Variants in NDST3 observed in about 807,000 individuals in gnomAD.
The protein encoded by NDST3 is N-deacetylase and N-sulfotransferase 3, also known as bifunctional heparan sulfate N-deacetylase/N-sulfotransferase 3.
Under a neutral mutation model 96.1 loss-of-function variants are expected in NDST3, and 58 were observed. That is an observed-to-expected ratio of 0.60 (90% CI 0.49 to 0.75). The LOEUF is 0.75. Ranked by LOEUF, NDST3 falls within the 30% of genes least tolerant of loss-of-function variation. The pLI is 0.00. For synonymous variants in NDST3, 333 were observed against 359.7 expected, an observed-to-expected ratio of 0.93 and a Z score of 0.84; for missense variants, 788 against 1,034.2, an observed-to-expected ratio of 0.76 and a Z score of 3.27.
rs1734823143 is a variant in NDST3 at position 118,157,916 on chromosome 4, T to C, written c.1539+14232T>C. On this transcript the variant is annotated intron_variant, in intron 6 of 13. Transcript: ENST00000296499. ...AGTACAGTATTCTAACTGCATACGT[T>C]TAGTGAAATATAGGACAAAAGTCTG... Among the ~76,000 whole-genome samples the C allele has an allele frequency of 2.0e-5, 3 of 152,268 alleles. No individual in the cohort carries two copies. In the South Asian group the frequency reaches 6.2e-4, roughly 32 times the overall value.
At chr4:118,204,196 A>G (rs1738286116) in intron 6 of NDST3, among the ~76,000 whole-genome samples, 1 of 152,128 alleles carries the variant, frequency 6.6e-6, no homozygotes, top group Non-Finnish European at 1.5e-5. Context: ...CAATGGACAC[A>G]ATGGGCCCTG....
At chr4:118,100,288 G>A (rs1235790491) in intron 2 of NDST3, among the ~76,000 whole-genome samples, 2 of 151,818 alleles carry the variant, frequency 1.3e-5, no homozygotes, top group Non-Finnish European at 2.9e-5. Flanking sequence ...AGGCGCTCCT[G>A]GCTTCAGGCT....
At chr4:118,185,617 T>C (rs1385356660) in intron 6 of NDST3, among the ~76,000 whole-genome samples, 1 of 152,090 alleles carries the variant, frequency 6.6e-6, no homozygotes, top group Non-Finnish European at 1.5e-5. Context: ...TTCAGAGAGA[T>C]TCCAGTGCAG....
chr4:118,108,765 C>T (rs1312343341), intron 3 of NDST3, among the ~76,000 whole-genome samples: 2 of 151,954 alleles, frequency 1.3e-5, no homozygotes, highest in African/African-American at 2.4e-5. Flanking sequence ...TTTCACCTAC[C>T]AATTTGAAAA....
At chr4:118,162,257 G>A (rs1469310899) in intron 6 of NDST3, among the ~76,000 whole-genome samples, 1 of 152,030 alleles carries the variant, frequency 6.6e-6, no homozygotes, top group Non-Finnish European at 1.5e-5. Context: ...CTACTTTAAA[G>A]TTCATATGGA....
rs1013362919 is a variant in NDST3 at position 118,180,752 on chromosome 4, T to C, written c.1539+37068T>C. ...GGCTGGTGGGTGACCTAAGGTCAAG[T>C]AGCCCATTTCTTGACCAGCTTATAC... On this transcript the variant is annotated intron_variant, in intron 6 of 13. Transcript: ENST00000296499. 6.6e-5 allele frequency among the ~76,000 whole-genome samples: 10 copies of C among 152,304 alleles called. No homozygotes were observed. The East Asian group carries it at 1.9e-3, about 29-fold the overall frequency.
intron 2 of NDST3, among the ~76,000 whole-genome samples, chr4:118,073,308 T>C (rs1727236579): frequency 6.6e-6 from 1 of 152,074 alleles, no homozygotes; most frequent in African/African-American, 2.4e-5. Flanking sequence ...TACCAGTTCT[T>C]CTTTCTATGT....
chr4:118,089,729 C>T (rs924559306), intron 2 of NDST3, among the ~76,000 whole-genome samples: 1 of 151,906 alleles, frequency 6.6e-6, no homozygotes, highest in African/African-American at 2.4e-5. Context: ...CCAACATCTT[C>T]CCAAATGAAA....
At chr4:118,214,345 T>C (rs1293280947) in intron 6 of NDST3, among the ~76,000 whole-genome samples, 2 of 152,200 alleles carry the variant, frequency 1.3e-5, no homozygotes, top group African/African-American at 4.8e-5. Context: ...CTAATCCTAA[T>C]TGAGATGTAC....
intron 6 of NDST3, among the ~76,000 whole-genome samples, chr4:118,210,795 CG>C (rs1738739283): frequency 2.9e-5 from 4 of 138,678 alleles, no homozygotes; most frequent in East Asian, 2.1e-4. Flanking sequence ...AAAAAAAAAG[CG>C]GGGGGACCCT....
At chr4:118,113,944 A>C (rs969696152) in intron 3 of NDST3, among the ~76,000 whole-genome samples, 1 of 152,134 alleles carries the variant, frequency 6.6e-6, no homozygotes, top group Admixed American at 6.6e-5. Context: ...GGGAAGTACA[A>C]AAAGGACTCT....
At chr4:118,213,794 TTTC>T (rs1219429249) in intron 6 of NDST3, among the ~76,000 whole-genome samples, 3 of 150,804 alleles carry the variant, frequency 2.0e-5, no homozygotes, top group Non-Finnish European at 4.4e-5. Flanking sequence ...TCAGAATTTT[TTTC>T]TTTTTTGACA....
chr4:118,194,524 G>T (rs544005137), intron 6 of NDST3: 63 of 722,138 alleles, frequency 8.7e-5, no homozygotes, highest in Middle Eastern at 3.7e-4. Context: ...GGTCAAAGGA[G>T]AATTTGTCCT....
intron 6 of NDST3, among the ~76,000 whole-genome samples, chr4:118,201,357 C>T (rs1048015247): frequency 1.3e-5 from 2 of 152,154 alleles, no homozygotes; most frequent in African/African-American, 2.4e-5. Context: ...TGAGAAATCT[C>T]CAGATTGCTT....
intron 12 of NDST3, among the ~76,000 whole-genome samples, chr4:118,252,945 T>C (rs1400404534): frequency 6.6e-6 from 1 of 152,106 alleles, no homozygotes; most frequent in East Asian, 1.9e-4. Flanking sequence ...ATTACTTTAA[T>C]ACAGAGCTCA....
At chr4:118,144,770 A>G (rs1733821035) in intron 6 of NDST3, among the ~76,000 whole-genome samples, 1 of 152,198 alleles carries the variant, frequency 6.6e-6, no homozygotes, top group African/African-American at 2.4e-5. Context: ...ATCAGTGAAA[A>G]AAGTTGGATA....
At chr4:118,251,125 A>ATTTTTTTTTT (rs370800744) in intron 12 of NDST3, among the ~76,000 whole-genome samples, 1 of 111,742 alleles carries the variant, frequency 8.9e-6, no homozygotes. Flanking sequence ...TATTATTTTT[A>ATTTTTTTTTT]TTTTATTTTT....
At chr4:118,036,635 G>A (rs914738124) in intron 1 of NDST3, among the ~76,000 whole-genome samples, 3 of 152,100 alleles carry the variant, frequency 2.0e-5, no homozygotes, top group African/African-American at 4.8e-5. Context: ...GAAGTTTCTC[G>A]TAAAGGGGTG....
intron 6 of NDST3, chr4:118,193,740 G>C: frequency 7.1e-7 from 1 of 1,404,666 alleles, no homozygotes; most frequent in Non-Finnish European, 1.0e-6. Context: ...TTGCTGCCCA[G>C]TTCCAGGGCC....
Sources: gnomAD v4.1 joint callset for allele counts (sites outside exome capture counted in the v4.1 genomes callset) on GRCh38, gnomAD v4.1.1 for gene constraint, MANE v1.5 for transcripts, NCBI Gene and HGNC (gene_info 2026-07-23, HGNC 2026-07-21) for gene names.